Variants in SAMD12 observed in about 807,000 individuals in gnomAD.
SAMD12 encodes sterile alpha motif domain-containing protein 12.
In SAMD12, 9 loss-of-function variants were observed where a neutral mutation model predicts 15.0. The ratio of observed to expected loss-of-function variants is 0.60; its 90% CI spans 0.36 to 1.05. SAMD12 has a LOEUF of 1.05. Ranked by LOEUF, SAMD12 falls within the 50% of genes least tolerant of loss-of-function variation. The pLI is 0.01. For synonymous variants in SAMD12, 86 were observed against 90.1 expected (o/e 0.96, Z 0.25); for missense variants, 230 against 234.2 (o/e 0.98, Z 0.12).
At chr8:118,303,729 T>C (rs1815166383) in intron 4 of SAMD12, among the ~76,000 whole-genome samples, 1 of 152,094 alleles carries the variant, frequency 6.6e-6, no homozygotes, top group East Asian at 1.9e-4. Context: ...ACCTCCTAAT[T>C]TGTGTGCTGC....
chr8:118,524,473 A>G (rs1184934952), intron 2 of SAMD12, among the ~76,000 whole-genome samples: 1 of 152,078 alleles, frequency 6.6e-6, no homozygotes, highest in Non-Finnish European at 1.5e-5. Context: ...TGCAGTATTC[A>G]GTCACTGCAG....
chr8:118,309,448 C>T (rs188419783), intron 4 of SAMD12, among the ~76,000 whole-genome samples: 9 of 150,590 alleles, frequency 6.0e-5, no homozygotes, highest in African/African-American at 1.5e-4. Flanking sequence ...TGTTGATTGA[C>T]GGGCATTTGG....
chr8:118,497,760 A>T (rs1362993020), intron 2 of SAMD12, among the ~76,000 whole-genome samples: 1 of 149,318 alleles, frequency 6.7e-6, no homozygotes, highest in Non-Finnish European at 1.5e-5. Flanking sequence ...AAAAAAGAAC[A>T]GCATTTGAGA....
intron 3 of SAMD12, among the ~76,000 whole-genome samples, chr8:118,395,619 A>C (rs1820517164): frequency 6.6e-6 from 1 of 152,168 alleles, no homozygotes; most frequent in South Asian, 2.1e-4. Context: ...GGGTACCAAT[A>C]AGTACATACT....
intron 4 of SAMD12, among the ~76,000 whole-genome samples, chr8:118,322,215 C>T (rs1394358995): frequency 6.6e-6 from 1 of 152,184 alleles, no homozygotes; most frequent in East Asian, 1.9e-4. Context: ...AAATAGGCCT[C>T]CCACAATTAC....
intron 4 of SAMD12, among the ~76,000 whole-genome samples, chr8:118,341,915 C>T (rs1463764768): frequency 2.6e-5 from 4 of 152,232 alleles, no homozygotes; most frequent in Non-Finnish European, 4.4e-5. Flanking sequence ...GTCTGTGTGG[C>T]AGACATGCGT....
intron 1 of SAMD12, among the ~76,000 whole-genome samples, chr8:118,595,943 A>G (rs903888157): frequency 2.6e-5 from 4 of 152,204 alleles, no homozygotes; most frequent in Non-Finnish European, 4.4e-5. Context: ...GTCTGTCCCT[A>G]TACAGTGACT....
chr8:118,498,674 G>A (rs756127289), intron 2 of SAMD12, among the ~76,000 whole-genome samples: 1 of 152,126 alleles, frequency 6.6e-6, no homozygotes, highest in Non-Finnish European at 1.5e-5. Flanking sequence ...CAGAAAATAT[G>A]AAAATTAATA....
intron 2 of SAMD12, among the ~76,000 whole-genome samples, chr8:118,516,928 C>T (rs557235095): frequency 2.6e-5 from 4 of 152,266 alleles, no homozygotes; most frequent in African/African-American, 7.2e-5. Flanking sequence ...CGTGAGCCAC[C>T]GTGCCCAGCT....
At chr8:118,446,516 T>G (rs1027020181) in intron 2 of SAMD12, among the ~76,000 whole-genome samples, 1 of 152,220 alleles carries the variant, frequency 6.6e-6, no homozygotes, top group Admixed American at 6.5e-5. Context: ...TGATTATTTT[T>G]TCTTTTCTTC....
chr8:118,447,885 G>A (rs6990311), intron 2 of SAMD12, among the ~76,000 whole-genome samples: 6 of 151,422 alleles, frequency 4.0e-5, no homozygotes, highest in Admixed American at 2.0e-4. Context: ...GCCACCATGC[G>A]TGGCTAATTT....
intron 4 of SAMD12, among the ~76,000 whole-genome samples, chr8:118,326,414 A>T (rs1816566523): frequency 6.6e-6 from 1 of 152,176 alleles, no homozygotes; most frequent in South Asian, 2.1e-4. Context: ...CACCCAAAGT[A>T]TATCCCGGGT....
At chr8:118,567,666 T>TA (rs1296655619) in intron 2 of SAMD12, among the ~76,000 whole-genome samples, 3 of 152,248 alleles carry the variant, frequency 2.0e-5, no homozygotes, top group African/African-American at 7.2e-5. Flanking sequence ...GCAGGCCAAG[T>TA]AGCCAGATGT....
intron 2 of SAMD12, among the ~76,000 whole-genome samples, chr8:118,514,447 A>G (rs1236604581): frequency 6.6e-6 from 1 of 152,192 alleles, no homozygotes; most frequent in Non-Finnish European, 1.5e-5. Context: ...ATTGAGCACT[A>G]TCTGTAAGTC....
the SAMD12 span, among the ~76,000 whole-genome samples, chr8:118,145,906 G>A: frequency 3.0e-3 from 453 of 152,324 alleles, 7 homozygotes; most frequent in Admixed American, 0.028. Context: ...GGCAGAGCTT[G>A]AAGGCATTAA....
the SAMD12 span, among the ~76,000 whole-genome samples, chr8:118,138,393 G>T: frequency 6.6e-6 from 1 of 152,216 alleles, no homozygotes; most frequent in Non-Finnish European, 1.5e-5. Flanking sequence ...CCATTGGGAG[G>T]AGATTTGTTC....
intron 4 of SAMD12, among the ~76,000 whole-genome samples, chr8:118,368,026 T>A (rs1417512601): frequency 6.6e-6 from 1 of 152,208 alleles, no homozygotes. Context: ...ACTGATAAAC[T>A]GACATATGAT....
chr8:118,621,741 G>A (rs1253664376), intron 1 of SAMD12, 63 bp downstream of exon 1: 1 of 1,583,860 alleles, frequency 6.3e-7, no homozygotes. Flanking sequence ...GCTTCATCGG[G>A]GATGTGTGCC....
chr8:118,354,103 A>G (rs1315821752), intron 4 of SAMD12, among the ~76,000 whole-genome samples: 1 of 152,258 alleles, frequency 6.6e-6, no homozygotes, highest in Non-Finnish European at 1.5e-5. Context: ...ACCTCTGCTA[A>G]GTAATGGCTT....
Sources: allele counts gnomAD v4.1 joint callset (sites outside exome capture counted in the v4.1 genomes callset), GRCh38; gene constraint gnomAD v4.1.1; transcripts MANE v1.5; gene names NCBI Gene and HGNC (gene_info 2026-07-23, HGNC 2026-07-21).